Variants in EPHA6 observed in about 807,000 individuals in gnomAD.
The protein encoded by EPHA6 is ephrin type-A receptor 6.
EPHA6 carries 50 observed loss-of-function variants against 112.0 expected under a neutral mutation model. The observed-to-expected ratio is 0.45, with a 90% CI of 0.36 to 0.56. The LOEUF (loss-of-function observed/expected upper bound fraction) is 0.56, where lower values mean the gene tolerates loss of function less well. EPHA6 is among the 20% of genes least tolerant of loss of function. EPHA6 has a pLI of 0.00. For synonymous variants in EPHA6, 529 were observed against 490.7 expected, an observed-to-expected ratio of 1.08 and a Z score of -1.03; for missense variants, 1,280 against 1,417.4, an observed-to-expected ratio of 0.90 and a Z score of 1.56.
At chr3:97,491,825 T>C (rs1208417754) in intron 10 of EPHA6, among the ~76,000 whole-genome samples, 1 of 151,878 alleles carries the variant, frequency 6.6e-6, no homozygotes, top group African/African-American at 2.4e-5. Flanking sequence ...ACAGCCACCA[T>C]GTGTTTGTAG....
chr3:97,640,911 T>C (rs2093997733), intron 14 of EPHA6, among the ~76,000 whole-genome samples: 1 of 152,154 alleles, frequency 6.6e-6, no homozygotes, highest in South Asian at 2.1e-4. Context: ...ATGACTTTAA[T>C]TAGGGCAATG....
At chr3:97,598,200 T>G (rs1387177802) in intron 12 of EPHA6, among the ~76,000 whole-genome samples, 1 of 151,812 alleles carries the variant, frequency 6.6e-6, no homozygotes, top group African/African-American at 2.4e-5. Flanking sequence ...TTTTTGCCAC[T>G]AATCATTATA....
chr3:97,246,506 G>A (rs183555280), intron 5 of EPHA6, among the ~76,000 whole-genome samples: 389 of 151,882 alleles, frequency 2.6e-3, no homozygotes, highest in Middle Eastern at 0.01. Context: ...CATGAACTAA[G>A]AGGTGGTATA....
chr3:97,701,089 A>G (rs974919586), intron 14 of EPHA6, among the ~76,000 whole-genome samples: 6 of 152,166 alleles, frequency 3.9e-5, no homozygotes, highest in African/African-American at 1.4e-4. Context: ...CAGGAATGCA[A>G]ACAATTTTTG....
intron 2 of EPHA6, among the ~76,000 whole-genome samples, chr3:96,887,408 G>T (rs1017509521): frequency 1.3e-5 from 2 of 152,174 alleles, no homozygotes; most frequent in East Asian, 1.9e-4. Flanking sequence ...GCTGGTAGTG[G>T]TGTTGCCTGT....
At chr3:97,322,519 C>T (rs1325618497) in intron 5 of EPHA6, among the ~76,000 whole-genome samples, 3 of 151,800 alleles carry the variant, frequency 2.0e-5, no homozygotes, top group Non-Finnish European at 2.9e-5. Flanking sequence ...ATCTGGGTTT[C>T]GTGTTTGCAA....
intron 2 of EPHA6, among the ~76,000 whole-genome samples, chr3:96,874,365 T>G (rs9865523): frequency 0.018 from 2,768 of 152,210 alleles, 73 homozygotes; most frequent in African/African-American, 0.05. Context: ...AGAAAGGAAC[T>G]AAAGAAATAT....
At chr3:97,292,420 G>C (rs1308180677) in intron 5 of EPHA6, among the ~76,000 whole-genome samples, 1 of 152,274 alleles carries the variant, frequency 6.6e-6, no homozygotes, top group African/African-American at 2.4e-5. Flanking sequence ...CAAAAGGAAT[G>C]AGGTATGTGG....
intron 3 of EPHA6, among the ~76,000 whole-genome samples, chr3:97,170,217 A>C (rs1158073127): frequency 6.6e-6 from 1 of 152,118 alleles, no homozygotes; most frequent in Non-Finnish European, 1.5e-5. Context: ...GGGGAACTTA[A>C]ATTTTAGGTT....
intron 1 of EPHA6, among the ~76,000 whole-genome samples, chr3:96,862,866 A>G (rs2036087428): frequency 6.6e-6 from 1 of 151,944 alleles, no homozygotes; most frequent in African/African-American, 2.4e-5. Context: ...TGTCTTTTAA[A>G]ACATTATGAA....
intron 3 of EPHA6, among the ~76,000 whole-genome samples, chr3:97,012,819 A>G (rs1396336370): frequency 6.6e-6 from 1 of 151,362 alleles, no homozygotes; most frequent in African/African-American, 2.4e-5. Flanking sequence ...GTATCTCGTT[A>G]TTGTTTTTAT....
intron 5 of EPHA6, among the ~76,000 whole-genome samples, chr3:97,261,126 T>C (rs749956917): frequency 4.6e-5 from 7 of 151,924 alleles, no homozygotes; most frequent in Non-Finnish European, 7.4e-5. Context: ...TATTAGAAAA[T>C]AGAGATGTAC....
chr3:97,000,354 C>CT (rs962854760), intron 3 of EPHA6, among the ~76,000 whole-genome samples: 6 of 149,330 alleles, frequency 4.0e-5, no homozygotes, highest in South Asian at 4.2e-4. Flanking sequence ...CACACGTGTG[C>CT]TTTTTTTATA....
intron 14 of EPHA6, among the ~76,000 whole-genome samples, chr3:97,647,502 C>T (rs1441309891): frequency 6.6e-6 from 1 of 152,032 alleles, no homozygotes; most frequent in Non-Finnish European, 1.5e-5. Context: ...GAAATAAATG[C>T]ACAAAAATAG....
In EPHA6 at chr3:96,827,432, A is replaced by G. The variant is rs76768358; in HGVS notation, c.385+12424A>G. 1.8e-4 allele frequency among the ~76,000 whole-genome samples: 28 copies of G among 152,222 alleles called. No individual in the cohort carries two copies. The East Asian group carries it at 5.4e-3, about 29-fold the overall frequency. ...AATTTTTTGAGTTAAAAAAATGTGT[A>G]GAGAACACTTGCCCATCCTATTTAA... On this transcript the variant is annotated intron_variant, in intron 1 of 17. Coordinates refer to ENST00000389672, the MANE Select transcript of EPHA6 (RefSeq NM_001080448.3).
At chr3:97,014,750 G>A (rs1364758956) in intron 3 of EPHA6, among the ~76,000 whole-genome samples, 2 of 152,164 alleles carry the variant, frequency 1.3e-5, no homozygotes, top group Non-Finnish European at 2.9e-5. Context: ...TTACTTCAAA[G>A]GGATGATGAT....
At chr3:97,348,088 A>C (rs545300288) in intron 5 of EPHA6, among the ~76,000 whole-genome samples, 86 of 152,164 alleles carry the variant, frequency 5.7e-4, no homozygotes, top group Non-Finnish European at 1.0e-3. Flanking sequence ...TTTTACATAC[A>C]TGCTTTCTAT....
chr3:97,436,501 G>A (rs1315650377), intron 6 of EPHA6, among the ~76,000 whole-genome samples: 5 of 152,092 alleles, frequency 3.3e-5, no homozygotes, highest in Admixed American at 6.6e-5. Flanking sequence ...CTAAATGAGG[G>A]TAAGGAATTC....
chr3:97,624,286 A>G lies in EPHA6; in HGVS notation c.2574+13432A>G, dbSNP rs1008082867. Among the ~76,000 whole-genome samples, 4 of 151,682 alleles carry G rather than the reference A, an allele frequency of 2.6e-5. No homozygotes were observed. In the East Asian group the frequency reaches 7.7e-4, roughly 29 times the overall value. On this transcript the variant is annotated intron_variant, in intron 13 of 17. Transcript: ENST00000389672. ...TTTGTCAAATGTTTTCTTCTTCACC[A>G]ATTTAGATCATTGTGGAGATCTTCC...
Sources: allele counts gnomAD v4.1 joint callset (sites outside exome capture counted in the v4.1 genomes callset), GRCh38; gene constraint gnomAD v4.1.1; transcripts MANE v1.5; gene names NCBI Gene and HGNC (gene_info 2026-07-23, HGNC 2026-07-21).